The following C3orf52 variants were observed in gnomAD, a reference collection of about 807,000 sequenced individuals.
C3orf52 encodes chromosome 3 open reading frame 52.
In C3orf52, 22 loss-of-function variants were observed where a neutral mutation model predicts 24.8. That is an observed-to-expected ratio of 0.89 (90% CI 0.63 to 1.27). The LOEUF (loss-of-function observed/expected upper bound fraction) is 1.27. Among genes scored for constraint, C3orf52 ranks in the 50% most tolerant of loss-of-function variants. The pLI is 0.00. For missense variants in C3orf52, 265 were observed against 260.7 expected, an observed-to-expected ratio of 1.02 and a Z score of -0.11; for synonymous variants, 93 against 100.2, an observed-to-expected ratio of 0.93 and a Z score of 0.43.
intron 2 of C3orf52, among the ~76,000 whole-genome samples, chr3:112,101,204 A>G (rs1478350771): frequency 1.3e-5 from 2 of 152,236 alleles, no homozygotes; most frequent in African/African-American, 4.8e-5. Context: ...ATGCAGTCCT[A>G]CTGATCACTA....
chr3:112,125,122 A>G, intron 4 of C3orf52: 1 of 782,716 alleles, frequency 1.3e-6, no homozygotes, highest in Non-Finnish European at 2.3e-6. Context: ...GTCTTTCTCC[A>G]TGTAAGGGTC....
exon 5 of C3orf52, chr3:112,128,666 G>T (rs955846205): frequency 5.7e-6 from 1 of 175,346 alleles, no homozygotes; most frequent in South Asian, 1.3e-4. Context: ...GAATAGCCAA[G>T]GACAGGACAA....
chr3:112,130,139 C>A, downstream of C3orf52: 1 of 326,688 alleles, frequency 3.1e-6, no homozygotes. Flanking sequence ...ACAAAGGTAC[C>A]TGAGATAGAC....
At chr3:112,125,279 G>A (rs775738525) in intron 4 of C3orf52, 65 of 1,530,792 alleles carry the variant, frequency 4.2e-5, no homozygotes, top group Non-Finnish European at 5.8e-5. Flanking sequence ...TACACTCAAT[G>A]AATTTCAGGT....
intron 1 of C3orf52, 46 bp downstream of exon 1, chr3:112,086,591 G>GT (rs3833596): frequency 0.73 from 1,125,561 of 1,532,176 alleles, 417,841 homozygotes; most frequent in East Asian, 0.93. Flanking sequence ...CGGCGGGACA[G>GT]TAGTAGGACC....
intron 2 of C3orf52, among the ~76,000 whole-genome samples, chr3:112,099,091 C>A (rs2073949824): frequency 6.6e-6 from 1 of 152,170 alleles, no homozygotes; most frequent in African/African-American, 2.4e-5. Context: ...TTCTCTCTCT[C>A]TCCTGCTCCC....
At chr3:112,131,472 G>A (rs185880846), downstream of C3orf52, among the ~76,000 whole-genome samples, 26 of 152,152 alleles carry the variant, frequency 1.7e-4, no homozygotes, top group Admixed American at 1.2e-3. Context: ...ATACGTTAAC[G>A]GAAACATTTT....
rs148270959 is a variant in C3orf52 at position 112,101,207 on chromosome 3, G to C, written c.269-1631G>C. Among the ~76,000 whole-genome samples the C allele has an allele frequency of 9.5e-4, 144 of 152,242 alleles. No individual in the cohort carries two copies. The Middle Eastern group carries it at 0.01, about 11-fold the overall frequency. ...ACAGGACTCAGCATGCAGTCCTACT[G>C]ATCACTATGATCTATTACAGCAAAA... is the stretch of plus-strand genomic sequence containing the variant. On this transcript the variant is annotated intron_variant, in intron 2 of 5. Transcript: ENST00000264848.
At chr3:112,114,413 A>T (rs2074115076) in intron 5 of C3orf52, among the ~76,000 whole-genome samples, 1 of 151,650 alleles carries the variant, frequency 6.6e-6, no homozygotes, top group South Asian at 2.1e-4. Flanking sequence ...TTAAAAAAAA[A>T]AAAAAAAAAG....
downstream of C3orf52, chr3:112,135,317 TCTTGTGAAGTTC>T (rs917650101): frequency 6.6e-6 from 1 of 152,376 alleles, no homozygotes; most frequent in East Asian, 1.9e-4. Context: ...ACAGGACTGC[TCTTGTGAAGTTC>T]CTTGAAAGAA....
intron 4 of C3orf52, among the ~76,000 whole-genome samples, chr3:112,125,029 T>C: frequency 6.6e-6 from 1 of 152,218 alleles, no homozygotes; most frequent in East Asian, 1.9e-4. Context: ...TTCCTTTCAA[T>C]AAATTATACA....
chr3:112,130,535 A>G (rs1392606760), downstream of C3orf52: 1 of 1,608,124 alleles, frequency 6.2e-7, no homozygotes, highest in South Asian at 1.1e-5. Flanking sequence ...CATATCAGAA[A>G]CAGGCTAAGT....
At chr3:112,126,494 C>G (rs1413856315) in intron 4 of C3orf52, among the ~76,000 whole-genome samples, 1 of 152,178 alleles carries the variant, frequency 6.6e-6, no homozygotes, top group East Asian at 1.9e-4. Flanking sequence ...CTTCTGGTAT[C>G]TGCTCTTCCG....
At chr3:112,091,222 A>C (rs1334521316) in intron 1 of C3orf52, among the ~76,000 whole-genome samples, 2 of 152,222 alleles carry the variant, frequency 1.3e-5, no homozygotes, top group Non-Finnish European at 2.9e-5. Context: ...TAAACAGCCC[A>C]CAATCGTTAA....
chr3:112,088,598 G>A (rs1576131707), intron 1 of C3orf52, among the ~76,000 whole-genome samples: 2 of 150,264 alleles, frequency 1.3e-5, no homozygotes, highest in Non-Finnish European at 3.0e-5. Flanking sequence ...TCACTCAGTG[G>A]TGCCTCTGAA....
intron 1 of C3orf52, among the ~76,000 whole-genome samples, chr3:112,090,877 C>T (rs1168139442): frequency 6.6e-6 from 1 of 152,146 alleles, no homozygotes; most frequent in Non-Finnish European, 1.5e-5. Context: ...CTCAGGAGCT[C>T]TGTAAATGGG....
downstream of C3orf52, chr3:112,130,335 C>G (rs115303483): frequency 2.6e-3 from 2,187 of 834,694 alleles, 25 homozygotes; most frequent in African/African-American, 0.033. Flanking sequence ...ATTGCAACTG[C>G]TACTGGTCTA....
At chr3:112,115,103 G>A in intron 5 of C3orf52, among the ~76,000 whole-genome samples, 1 of 152,196 alleles carries the variant, frequency 6.6e-6, no homozygotes, top group Non-Finnish European at 1.5e-5. Flanking sequence ...CATTTCTTCT[G>A]ACGGGACATG....
At position 112,086,470 on chromosome 3, in the gene C3orf52, G is replaced by A. The variant is rs1300418871; in HGVS notation, c.63G>A (p.Gln21=). Residue 21 remains glutamine, a synonymous_variant, in exon 1 of 6, where the codon CAG becomes CAA. Coordinates refer to ENST00000264848, the MANE Select transcript of C3orf52 (RefSeq NM_024616.3). The stretch of plus-strand genomic sequence containing the variant: ...TGGAGCTCTCGGTGCTCGAGCGGCA[G>A]CCAGAAGAGAACACGCCTCTCAATG... ...DELELSVLER[Q]PEENTPLNGA... 1.3e-6 allele frequency: 2 copies of A among 1,551,530 alleles called. No homozygotes were observed. The highest frequency in any genetic ancestry group is 1.2e-5 in the South Asian group (1 of 84,040).
Sources: allele counts gnomAD v4.1 joint callset (sites outside exome capture counted in the v4.1 genomes callset), GRCh38; gene constraint gnomAD v4.1.1; transcripts MANE v1.5; gene names NCBI Gene and HGNC (gene_info 2026-07-23, HGNC 2026-07-21).